The following MINAR1 variants were observed in gnomAD, a reference collection of about 807,000 sequenced individuals.
MINAR1 encodes the protein membrane integral NOTCH2 associated receptor 1, also known as major intrinsically disordered Notch2-binding receptor 1.
Under a neutral mutation model 65.1 loss-of-function variants are expected in MINAR1, and 40 were observed. The ratio of observed to expected loss-of-function variants is 0.61; its 90% CI spans 0.48 to 0.80. The LOEUF (loss-of-function observed/expected upper bound fraction) is 0.80. Among genes scored for constraint, MINAR1 ranks in the 30% least tolerant of loss-of-function variants. The pLI is 0.00. For missense variants in MINAR1, 1,128 were observed against 1,148.0 expected (o/e 0.98, Z 0.25); for synonymous variants, 482 against 449.1 (o/e 1.07, Z -0.93).
Position 79,457,966 on chromosome 15 carries a change from G to T in MINAR1, c.1819G>T (p.Glu607Ter). Residue 607 changes from glutamate (E) to a stop codon, truncating the protein, a stop_gained, in exon 2 of 4, where the codon GAA becomes TAA. Transcript: ENST00000305428. LOFTEE classifies it high-confidence loss of function. ...ACTGGTGCTCAGGATTGGCGAAATT[G>T]AACGGAAGCTGGAATCCCTGTCGGG... ...CKLVLRIGEI[E>*]RKLESLSGVR... 1.2e-6 allele frequency: 2 copies of T among 1,614,086 alleles called. No homozygotes were observed. Among genetic ancestry groups the T allele is most frequent in the East Asian group, 4.5e-5 (2 of 44,878 alleles).
At chr15:79,465,223 G>C (rs1895794739) in intron 3 of MINAR1, among the ~76,000 whole-genome samples, 1 of 152,190 alleles carries the variant, frequency 6.6e-6, no homozygotes, top group South Asian at 2.1e-4. Flanking sequence ...GCAAAAAAGA[G>C]CCAACCTTGA....
At chr15:79,453,715 C>T (rs75698242) in intron 1 of MINAR1, among the ~76,000 whole-genome samples, 7,494 of 152,262 alleles carry the variant, frequency 0.049, 383 homozygotes, top group East Asian at 0.29. Flanking sequence ...CACAGACCTC[C>T]TACTTTCAGT....
intron 2 of MINAR1, among the ~76,000 whole-genome samples, chr15:79,462,414 T>C (rs1895680051): frequency 6.6e-6 from 1 of 152,160 alleles, no homozygotes; most frequent in Non-Finnish European, 1.5e-5. Flanking sequence ...CCACCTGTTT[T>C]AGGCACCTTC....
intron 1 of MINAR1, among the ~76,000 whole-genome samples, chr15:79,450,975 G>C (rs370301419): frequency 2.0e-5 from 3 of 152,160 alleles, no homozygotes; most frequent in Non-Finnish European, 4.4e-5. Flanking sequence ...CATTGTTACA[G>C]ATGAAAAAAC....
In MINAR1 at chr15:79,463,658, T is replaced by C. The variant is rs78946913; in HGVS notation, c.2553+337T>C. 388 of 529,566 alleles carry C rather than the reference T, an allele frequency of 7.3e-4. 1 individual carries two copies. The highest frequency in any genetic ancestry group is 1.0e-3 in the Non-Finnish European group (289 of 275,686). The allele number at this position is 529,566 out of a possible 1,614,324, so 32.8% of individuals were successfully genotyped here. A position where few individuals can be genotyped will look rare whatever the true frequency, so the allele number is the denominator to read the frequency against. ...CTCACAAGACCTGAGCCAAACTGTT[T>C]AATGAAATACAAGCTGATTTCTCCT... On this transcript the variant is annotated intron_variant, in intron 3 of 3. Coordinates refer to ENST00000305428, the MANE Select transcript of MINAR1 (RefSeq NM_015206.3).
chr15:79,428,057 C>G (rs1430666104), upstream of MINAR1, among the ~76,000 whole-genome samples: 2 of 152,038 alleles, frequency 1.3e-5, no homozygotes, highest in African/African-American at 4.8e-5. Context: ...GCCTTTCAGC[C>G]CAGAGGAGGA....
chr15:79,416,972 A>G, the MINAR1 span: 1 of 152,248 alleles, frequency 6.6e-6, no homozygotes, highest in Non-Finnish European at 1.5e-5. Flanking sequence ...AGGGCTCTGG[A>G]AAATCTCTAC....
rs1896077256 is a variant in MINAR1 at position 79,471,461 on chromosome 15, C to A, written c.*3077C>A. 6.6e-6 allele frequency: 1 copy of A among 152,578 alleles called. No homozygotes were observed. The highest frequency in any genetic ancestry group is 1.9e-4 in the East Asian group (1 of 5,204). 9.5% of individuals were successfully genotyped at this position (152,578 alleles called of 1,614,324 possible). On this transcript the variant is annotated 3_prime_UTR_variant, in exon 4 of 4. Transcript: ENST00000305428. ...GCTCAAATTTTGCCGACATTTTATA[C>A]CAGTATCCCCTTCATTACAGTAAAC...
At chr15:79,443,294 G>A (rs1894922327) in intron 1 of MINAR1, among the ~76,000 whole-genome samples, 1 of 152,206 alleles carries the variant, frequency 6.6e-6, no homozygotes, top group Non-Finnish European at 1.5e-5. Flanking sequence ...GCCACTTGGG[G>A]TAAGTAGAAT....
At chr15:79,439,317 ATGAGAT>A (rs553362660) in intron 1 of MINAR1, among the ~76,000 whole-genome samples, 2 of 34,934 alleles carry the variant, frequency 5.7e-5, no homozygotes, top group East Asian at 1.3e-3. Flanking sequence ...GTGGGTAGTG[ATGAGAT>A]GTGGGTGGGG....
At chr15:79,455,437 G>A (rs961192580) in intron 1 of MINAR1, among the ~76,000 whole-genome samples, 1 of 151,984 alleles carries the variant, frequency 6.6e-6, no homozygotes, top group Non-Finnish European at 1.5e-5. Flanking sequence ...ACACTTTCTA[G>A]TTTAGAGTCC....
intron 1 of MINAR1, among the ~76,000 whole-genome samples, chr15:79,448,275 C>T (rs1199469025): frequency 6.6e-6 from 1 of 152,186 alleles, no homozygotes; most frequent in Non-Finnish European, 1.5e-5. Context: ...TGCAGGTATA[C>T]GTCTTGAGAA....
At chr15:79,426,979 T>C in the MINAR1 span, 2 of 152,238 alleles carry the variant, frequency 1.3e-5, no homozygotes, top group African/African-American at 2.4e-5. Context: ...CGTATGTTCA[T>C]TGCAGCACTA....
chr15:79,423,627 C>CT, the MINAR1 span: 1 of 152,226 alleles, frequency 6.6e-6, no homozygotes. Context: ...GACAGTGAGA[C>CT]TTTTGAGGGC....
chr15:79,468,482 G>A lies in MINAR1; in HGVS notation c.*98G>A. On this transcript the variant is annotated 3_prime_UTR_variant, in exon 4 of 4. Coordinates refer to ENST00000305428, the MANE Select transcript of MINAR1 (RefSeq NM_015206.3). ...TGAGGCAACAATTTGTTGAAATGGA[G>A]ATGAAATCATGGAGGCATTTCTACA... The A allele has an allele frequency of 9.0e-7, 1 of 1,106,412 alleles. No homozygotes were observed. The highest frequency in any genetic ancestry group is 1.3e-6 in the Non-Finnish European group (1 of 774,134). The allele number at this position is 1,106,412 out of a possible 1,614,324, so 68.5% of individuals were successfully genotyped here.
intron 1 of MINAR1, among the ~76,000 whole-genome samples, chr15:79,452,181 CTGTGTGAG>C (rs1567054913): frequency 6.8e-6 from 1 of 147,364 alleles, no homozygotes; most frequent in African/African-American, 2.6e-5. Flanking sequence ...GAGTGTAGGT[CTGTGTGAG>C]TGTGTGTAGG....
rs747759473 is a variant in MINAR1 at position 79,467,326 on chromosome 15, C to T, written c.2554-861C>T. Reference sequence around the variant, plus strand: ...TTCAAAGACTTAAATGACCTCACTTCGAATTGCAATGTGCTGTTGCTTTTA... The same window carrying T: ...TTCAAAGACTTAAATGACCTCACTTTGAATTGCAATGTGCTGTTGCTTTTA... On this transcript the variant is annotated intron_variant, in intron 3 of 3. Coordinates refer to ENST00000305428, the MANE Select transcript of MINAR1 (RefSeq NM_015206.3). 1.8e-4 allele frequency among the ~76,000 whole-genome samples: 27 copies of T among 152,174 alleles called. 1 individual carries two copies. Among genetic ancestry groups the T allele is most frequent in the South Asian group, 1.0e-3 (5 of 4,824 alleles).
chr15:79,449,695 G>A (rs76134913), intron 1 of MINAR1, among the ~76,000 whole-genome samples: 133 of 152,220 alleles, frequency 8.7e-4, no homozygotes, highest in African/African-American at 3.1e-3. Context: ...CCTGGGAAGG[G>A]GTCTTAAAGG....
intron 1 of MINAR1, among the ~76,000 whole-genome samples, chr15:79,455,010 G>A (rs905265359): frequency 6.6e-6 from 1 of 152,154 alleles, no homozygotes; most frequent in African/African-American, 2.4e-5. Context: ...AATTTACTCT[G>A]AAGTGAATCA....
Sources: gnomAD v4.1 joint callset for allele counts (sites outside exome capture counted in the v4.1 genomes callset) on GRCh38, gnomAD v4.1.1 for gene constraint, MANE v1.5 for transcripts, NCBI Gene and HGNC (gene_info 2026-07-23, HGNC 2026-07-21) for gene names.